Variants in PDK1 observed in about 807,000 individuals in gnomAD.
The protein encoded by PDK1 is [Pyruvate dehydrogenase (acetyl-transferring)] kinase isozyme 1, mitochondrial.
PDK1 carries 39 observed loss-of-function variants against 54.2 expected under a neutral mutation model. The observed-to-expected ratio is 0.72, with a 90% CI of 0.56 to 0.94. The LOEUF (loss-of-function observed/expected upper bound fraction) is 0.94. Ranked by LOEUF, PDK1 falls within the 40% of genes least tolerant of loss-of-function variation. The pLI, the probability that PDK1 is intolerant of heterozygous loss-of-function variation, is 0.00. For missense variants in PDK1, 552 were observed against 566.0 expected, an observed-to-expected ratio of 0.98 and a Z score of 0.25; for synonymous variants, 221 against 207.1, an observed-to-expected ratio of 1.07 and a Z score of -0.58.
At chr2:172,660,449 G>T in the PDK1 span, among the ~76,000 whole-genome samples, 6 of 151,004 alleles carry the variant, frequency 4.0e-5, no homozygotes, top group Non-Finnish European at 8.9e-5. Context: ...GCAGAGACAG[G>T]TTCCACCATG....
rs543981773 is a variant in PDK1 at position 172,604,094 on chromosome 2, G to T, written c.*8125G>T. On this transcript the variant is annotated 3_prime_UTR_variant, in exon 11 of 11. Coordinates refer to ENST00000282077, the MANE Select transcript of PDK1 (RefSeq NM_002610.5). ...TGGCGTATATCTTTTTTGGCGGGGG[G>T]TGAGGACAGAGTCTTGCTCTGAGAT... 6.6e-6 allele frequency: 1 copy of T among 152,112 alleles called. No homozygotes were observed. The highest frequency in any genetic ancestry group is 1.5e-5 in the Non-Finnish European group (1 of 68,008). 9.4% of individuals were successfully genotyped at this position (152,112 alleles called of 1,614,324 possible).
the PDK1 span, among the ~76,000 whole-genome samples, chr2:172,657,538 A>T: frequency 4.0e-5 from 6 of 151,532 alleles, no homozygotes; most frequent in African/African-American, 1.5e-4. Flanking sequence ...ACACTTATGG[A>T]CTCATAGATT....
At chr2:172,694,617 C>T in the PDK1 span, among the ~76,000 whole-genome samples, 8 of 152,242 alleles carry the variant, frequency 5.3e-5, no homozygotes, top group African/African-American at 9.6e-5. Flanking sequence ...GCTATGAGTG[C>T]GCCCTGTGAT....
the PDK1 span, among the ~76,000 whole-genome samples, chr2:172,654,599 G>A: frequency 3.1e-3 from 473 of 151,254 alleles, 6 homozygotes; most frequent in Admixed American, 0.023. Context: ...ATCACACACC[G>A]GGGCCTGTCG....
chr2:172,616,116 G>C, the PDK1 span, among the ~76,000 whole-genome samples: 2 of 152,206 alleles, frequency 1.3e-5, no homozygotes, highest in East Asian at 3.8e-4. Context: ...CCAAATGTGA[G>C]AATATGAATC....
chr2:172,608,154 A>G lies in PDK1; in HGVS notation c.*12185A>G, dbSNP rs938302999. ...GGGAATTTACAATCTAAATATAACA[A>G]ACATATAGAGTGAGATAGGAGAAAA... On this transcript the variant is annotated 3_prime_UTR_variant, in exon 11 of 11. Transcript: ENST00000282077. 6.6e-6 allele frequency: 1 copy of G among 152,228 alleles called. No individual in the cohort carries two copies. The highest frequency in any genetic ancestry group is 6.5e-5 in the Admixed American group (1 of 15,282). The allele number at this position is 152,228 out of a possible 1,614,324, so 9.4% of individuals were successfully genotyped here.
At chr2:172,694,228 TTAAG>T in the PDK1 span, among the ~76,000 whole-genome samples, 1 of 152,208 alleles carries the variant, frequency 6.6e-6, no homozygotes, top group Non-Finnish European at 1.5e-5. Context: ...CATGCTTCCT[TTAAG>T]TAAGGCTCTT....
chr2:172,632,170 G>C, the PDK1 span, among the ~76,000 whole-genome samples: 2 of 152,002 alleles, frequency 1.3e-5, no homozygotes, highest in Non-Finnish European at 2.9e-5. Context: ...GGGAGGCTGA[G>C]GCAGGAGAAT....
chr2:172,680,736 C>T, the PDK1 span, among the ~76,000 whole-genome samples: 11 of 152,214 alleles, frequency 7.2e-5, no homozygotes, highest in African/African-American at 2.2e-4. Flanking sequence ...AAACTTGACT[C>T]CAACAATAAA....
the PDK1 span, among the ~76,000 whole-genome samples, chr2:172,687,835 CCGA>C: frequency 6.6e-6 from 1 of 152,100 alleles, no homozygotes; most frequent in Non-Finnish European, 1.5e-5. Flanking sequence ...GTCAATTGCC[CCGA>C]CAAGATGGGG....
At chr2:172,570,199 T>C (rs1029022172) in intron 7 of PDK1, among the ~76,000 whole-genome samples, 1 of 152,212 alleles carries the variant, frequency 6.6e-6, no homozygotes, top group African/African-American at 2.4e-5. Flanking sequence ...GTTGGCACTG[T>C]GTACCCTATT....
intron 6 of PDK1, among the ~76,000 whole-genome samples, chr2:172,567,599 T>C (rs1442009072): frequency 6.6e-6 from 1 of 152,264 alleles, no homozygotes; most frequent in African/African-American, 2.4e-5. Context: ...AGTGAAGTTA[T>C]GCAATTGAAA....
Position 172,565,014 on chromosome 2 carries a change from C to G in PDK1, c.632C>G (p.Ser211Cys), listed in dbSNP as rs1253675578. 6.2e-7 allele frequency: 1 copy of G among 1,613,024 alleles called. No homozygotes were observed. Among genetic ancestry groups the G allele is most frequent in the South Asian group, 1.1e-5 (1 of 91,046 alleles). ...GGTGGAAAAGGCAAAGGAAGTCCAT[C>G]TCATCGAAAACACATTGGAAGCATA... is the stretch of plus-strand genomic sequence containing the variant. ...LFGGKGKGSPSHRKHIGSINP... is the reference protein window; with the variant it reads ...LFGGKGKGSPCHRKHIGSINP... Residue 211 changes from serine to cysteine, a missense_variant, in exon 5 of 11, where the codon TCT becomes TGT. By Grantham distance (112) the Ser-to-Cys change is moderately radical. Coordinates refer to ENST00000282077, the MANE Select transcript of PDK1 (RefSeq NM_002610.5).
At chr2:172,635,417 G>T in the PDK1 span, among the ~76,000 whole-genome samples, 6 of 152,142 alleles carry the variant, frequency 3.9e-5, no homozygotes, top group Admixed American at 3.9e-4. Context: ...CCGGGTTCAA[G>T]TGATTCTCCT....
chr2:172,660,153 T>G, the PDK1 span, among the ~76,000 whole-genome samples: 1 of 150,352 alleles, frequency 6.7e-6, no homozygotes, highest in African/African-American at 2.4e-5. Context: ...ATTCCAGGAT[T>G]GTTTACTAAT....
the PDK1 span, among the ~76,000 whole-genome samples, chr2:172,705,641 G>A: frequency 6.6e-6 from 1 of 152,186 alleles, no homozygotes; most frequent in Non-Finnish European, 1.5e-5. Context: ...CAATTTAAAT[G>A]ATGGTTGTAT....
At chr2:172,639,191 T>C in the PDK1 span, among the ~76,000 whole-genome samples, 2 of 152,144 alleles carry the variant, frequency 1.3e-5, no homozygotes, top group Non-Finnish European at 2.9e-5. Flanking sequence ...TAGCCAAGTA[T>C]CTTTAATGGC....
the PDK1 span, among the ~76,000 whole-genome samples, chr2:172,710,674 C>T: frequency 2.0e-5 from 3 of 152,216 alleles, no homozygotes; most frequent in Non-Finnish European, 4.4e-5. Context: ...TCCTTCTTTT[C>T]TCTATACCAG....
At chr2:172,719,053 G>T in the PDK1 span, among the ~76,000 whole-genome samples, 1 of 152,032 alleles carries the variant, frequency 6.6e-6, no homozygotes, top group African/African-American at 2.4e-5. Context: ...TTTCTAGAAG[G>T]TACTAAAAAT....
Sources: allele counts gnomAD v4.1 joint callset (sites outside exome capture counted in the v4.1 genomes callset), GRCh38; gene constraint gnomAD v4.1.1; transcripts MANE v1.5; gene names NCBI Gene and HGNC (gene_info 2026-07-23, HGNC 2026-07-21).